Variants in DLG2 observed in about 807,000 individuals in gnomAD.
DLG2 encodes the protein disks large homolog 2.
Under a neutral mutation model 132.5 loss-of-function variants are expected in DLG2, and 45 were observed. That is an observed-to-expected ratio of 0.34 (90% confidence interval 0.27 to 0.44). The LOEUF is 0.44. Ranked by LOEUF, DLG2 falls within the 20% of genes least tolerant of loss-of-function variation. DLG2 has a pLI of 1.00. For missense variants in DLG2, 1,045 were observed against 1,196.9 expected, an observed-to-expected ratio of 0.87 and a Z score of 1.87; for synonymous variants, 424 against 419.6, an observed-to-expected ratio of 1.01 and a Z score of -0.13.
chr11:83,673,672 TC>T (rs1268667790), intron 18 of DLG2, among the ~76,000 whole-genome samples: 1 of 152,176 alleles, frequency 6.6e-6, no homozygotes, highest in Non-Finnish European at 1.5e-5. Context: ...TAATACAGTG[TC>T]TTGAACATTG....
chr11:84,700,363 A>T (rs1469313505), intron 6 of DLG2, among the ~76,000 whole-genome samples: 8 of 151,632 alleles, frequency 5.3e-5, no homozygotes, highest in Non-Finnish European at 1.2e-4. Context: ...CAAGCAACAA[A>T]AGCAGTCTTC....
chr11:84,090,744 C>G (rs757849281), intron 10 of DLG2, among the ~76,000 whole-genome samples: 5 of 152,218 alleles, frequency 3.3e-5, no homozygotes, highest in Non-Finnish European at 4.4e-5. Context: ...TTCATTCTAT[C>G]AGGTTCAGAA....
chr11:85,508,549 C>T (rs959374943), intron 3 of DLG2, among the ~76,000 whole-genome samples: 22 of 151,976 alleles, frequency 1.4e-4, no homozygotes, highest in Admixed American at 1.2e-3. Flanking sequence ...ATTTATTTTA[C>T]ATCTCTGCTC....
intron 6 of DLG2, among the ~76,000 whole-genome samples, chr11:84,575,950 CA>C (rs2099498797): frequency 6.6e-6 from 1 of 152,188 alleles, no homozygotes; most frequent in Non-Finnish European, 1.5e-5. Flanking sequence ...ACTAGAATCT[CA>C]GAGGTAGAGC....
chr11:84,895,662 G>A (rs1288892399), intron 6 of DLG2, among the ~76,000 whole-genome samples: 1 of 152,104 alleles, frequency 6.6e-6, no homozygotes, highest in African/African-American at 2.4e-5. Flanking sequence ...TTTATTGTAA[G>A]GGGAGTTTCA....
chr11:85,205,260 TGC>T (rs1450777160), intron 4 of DLG2, among the ~76,000 whole-genome samples: 1 of 151,442 alleles, frequency 6.6e-6, no homozygotes, highest in Admixed American at 6.6e-5. Flanking sequence ...GAGGTCAGTG[TGC>T]TAAGTGAAAT....
chr11:85,163,292 T>C (rs1209498094), intron 4 of DLG2, among the ~76,000 whole-genome samples: 1 of 152,134 alleles, frequency 6.6e-6, no homozygotes, highest in Non-Finnish European at 1.5e-5. Context: ...TCTGATTTAA[T>C]CTTTTATTTT....
chr11:84,144,412 C>T (rs975926981), intron 9 of DLG2, among the ~76,000 whole-genome samples: 1 of 152,090 alleles, frequency 6.6e-6, no homozygotes, highest in Non-Finnish European at 1.5e-5. Context: ...GAAGGGTGGG[C>T]TTCTGCCTCA....
chr11:85,136,079 T>C (rs1216953169), intron 5 of DLG2, among the ~76,000 whole-genome samples: 1 of 152,212 alleles, frequency 6.6e-6, no homozygotes, highest in East Asian at 1.9e-4. Flanking sequence ...ATGTTATACC[T>C]TTATACAATC....
intron 6 of DLG2, among the ~76,000 whole-genome samples, chr11:84,918,319 G>A (rs994050184): frequency 6.9e-6 from 1 of 145,496 alleles, no homozygotes; most frequent in Non-Finnish European, 1.5e-5. Flanking sequence ...AAGATGTATT[G>A]CCATAAATGA....
intron 6 of DLG2, among the ~76,000 whole-genome samples, chr11:84,802,340 A>G (rs148184365): frequency 4.5e-4 from 68 of 152,240 alleles, no homozygotes; most frequent in African/African-American, 1.6e-3. Flanking sequence ...GGGAATTAAC[A>G]AGGAATAATG....
chr11:85,090,807 A>G (rs1041834955), intron 6 of DLG2, among the ~76,000 whole-genome samples: 4 of 152,236 alleles, frequency 2.6e-5, no homozygotes, highest in African/African-American at 4.8e-5. Context: ...GTGTTGTTAC[A>G]AAGATACCTG....
intron 3 of DLG2, among the ~76,000 whole-genome samples, chr11:85,379,638 T>A (rs2085713388): frequency 6.6e-6 from 1 of 152,202 alleles, no homozygotes; most frequent in African/African-American, 2.4e-5. Flanking sequence ...TCAACTATTA[T>A]AATCAGGCTA....
At chr11:84,567,533 G>A (rs1265357185) in intron 6 of DLG2, among the ~76,000 whole-genome samples, 1 of 151,874 alleles carries the variant, frequency 6.6e-6, no homozygotes, top group East Asian at 1.9e-4. Context: ...CAACAATTAG[G>A]CTGAAATAAC....
At chr11:84,741,007 C>T (rs1256724437) in intron 6 of DLG2, among the ~76,000 whole-genome samples, 1 of 151,088 alleles carries the variant, frequency 6.6e-6, no homozygotes, top group Non-Finnish European at 1.5e-5. Context: ...CCATGGACTA[C>T]GCATGGCAGA....
At chr11:85,508,211 A>C (rs945432698) in intron 3 of DLG2, among the ~76,000 whole-genome samples, 1 of 151,974 alleles carries the variant, frequency 6.6e-6, no homozygotes, top group African/African-American at 2.4e-5. Context: ...ACTTATGTCA[A>C]CTCGTCAAAG....
At chr11:85,193,423 A>T (rs1159204656) in intron 4 of DLG2, among the ~76,000 whole-genome samples, 1 of 152,250 alleles carries the variant, frequency 6.6e-6, no homozygotes, top group Non-Finnish European at 1.5e-5. Flanking sequence ...TGTCTTGAAT[A>T]TATACCTAGA....
chr11:84,688,501 G>A (rs190484549), intron 6 of DLG2, among the ~76,000 whole-genome samples: 2 of 152,216 alleles, frequency 1.3e-5, no homozygotes, highest in Admixed American at 1.3e-4. Context: ...ATTTACATAG[G>A]TATTGAGCCC....
At chr11:84,780,668 A>T (rs2071588590) in intron 6 of DLG2, among the ~76,000 whole-genome samples, 1 of 152,048 alleles carries the variant, frequency 6.6e-6, no homozygotes, top group Non-Finnish European at 1.5e-5. Context: ...TCTAATAGGT[A>T]TGTGGTGACA....
Sources: gnomAD v4.1 joint callset for allele counts (sites outside exome capture counted in the v4.1 genomes callset) on GRCh38, gnomAD v4.1.1 for gene constraint, MANE v1.5 for transcripts, NCBI Gene and HGNC (gene_info 2026-07-23, HGNC 2026-07-21) for gene names.